MSLN: variants seen among roughly 807,000 people sequenced by gnomAD.
MSLN encodes CAK1 antigen.
A neutral mutation model predicts 72.6 loss-of-function variants in MSLN; 82 were observed. The ratio of observed to expected loss-of-function variants is 1.13; its 90% CI spans 0.94 to 1.36. MSLN has a LOEUF of 1.36. Ranked by LOEUF, MSLN falls within the 40% of genes most tolerant of loss-of-function variation. MSLN has a pLI of 0.00. For missense variants in MSLN, 1,005 were observed against 847.9 expected, an observed-to-expected ratio of 1.19 and a Z score of -2.30; for synonymous variants, 456 against 387.3, an observed-to-expected ratio of 1.18 and a Z score of -2.08.
At chr16:763,367 T>G in intron 4 of MSLN, 91 bp downstream of exon 4, 1 of 1,160,848 alleles carries the variant, frequency 8.6e-7, no homozygotes, top group Non-Finnish European at 1.2e-6. Flanking sequence ...TCCACGGTGC[T>G]TGCCAGTTTC....
intron 17 of MSLN, 35 bp from the exon 18 acceptor site, chr16:768,613 G>C (rs2151619696): frequency 6.2e-7 from 1 of 1,611,306 alleles, no homozygotes; most frequent in East Asian, 2.2e-5. Context: ...TGGGGGCGTG[G>C]AGGTGGGCGC....
chr16:765,426 G>A, intron 9 of MSLN, 101 bp from the exon 10 acceptor site: 1 of 1,412,318 alleles, frequency 7.1e-7, no homozygotes, highest in Non-Finnish European at 9.5e-7. Flanking sequence ...CCCTGCCAAT[G>A]CCCCCAGCGT....
chr16:767,514 GA>G (rs1567359741), intron 16 of MSLN, 44 bp downstream of exon 16: 2 of 1,410,000 alleles, frequency 1.4e-6, no homozygotes, highest in Non-Finnish European at 1.9e-6. Context: ...GGGGCCCGTG[GA>G]GGAGGGGCGA....
Position 763,683 on chromosome 16 carries a change from C to G in MSLN, c.171C>G (p.Asn57Lys). The change falls in exon 5 of 18, where the codon AAC (asparagine) becomes AAG (lysine). Residue 57 changes from asparagine (N) to lysine (K), a missense_variant. Physicochemically the swap from Asn to Lys is moderately conservative, Grantham distance 94. Transcript: ENST00000545450. ...PLDGVLANPP[N>K]ISSLSPRQLL... ...ACGGAGTCCTGGCCAACCCACCTAA[C>G]ATTTCCAGGTGGGTCTGGGGTCCTC... 1 of 1,603,278 alleles carries G rather than the reference C, an allele frequency of 6.2e-7. No individual in the cohort carries two copies. The highest frequency in any genetic ancestry group is 8.5e-7 in the Non-Finnish European group (1 of 1,173,792).
In MSLN at chr16:765,150, C is replaced by A; in HGVS notation, c.551C>A (p.Ala184Asp). The change falls in exon 9 of 18, where the codon GCT (alanine) becomes GAT (aspartate). Residue 184 changes from alanine (A) to aspartate (D), a missense_variant. Ala to Asp is a moderately radical substitution (Grantham distance 126, BLOSUM62 -2). Coordinates refer to ENST00000545450, the MANE Select transcript of MSLN (RefSeq NM_005823.6). ...GSLLSEADVR[A>D]LGGLACDLPG... Reference sequence around the variant, plus strand: ...CTGCTGAGCGAGGCTGATGTGCGGGCTCTGGGAGGCCTGGCTTGCGACCTG... The same window carrying A: ...CTGCTGAGCGAGGCTGATGTGCGGGATCTGGGAGGCCTGGCTTGCGACCTG... The A allele has an allele frequency of 6.2e-7, 1 of 1,603,536 alleles. No individual in the cohort carries two copies.
chr16:764,121 A>T lies in MSLN; in HGVS notation c.278A>T (p.Asn93Ile), dbSNP rs745858718. The change falls in exon 6 of 18, where the codon AAT becomes ATT. Residue 93 changes from asparagine to isoleucine, a missense_variant. By Grantham distance (149) the Asn-to-Ile change is moderately radical. Coordinates refer to ENST00000545450, the MANE Select transcript of MSLN (RefSeq NM_005823.6). Reference sequence around the variant, plus strand: ...CTGGCTGTGGCCTTGGCACAGAAGAATGTCAAGCTCTCAACAGAGCAGGTC... The same window carrying T: ...CTGGCTGTGGCCTTGGCACAGAAGATTGTCAAGCTCTCAACAGAGCAGGTC... ...RELAVALAQK[N>I]VKLSTEQLRC... The T allele has an allele frequency of 2.9e-5, 47 of 1,605,642 alleles. 1 individual carries two copies. The South Asian group carries it at 4.9e-4, about 17-fold the overall frequency.
intron 17 of MSLN, 24 bp from the exon 18 acceptor site, chr16:768,624 T>A: frequency 6.2e-7 from 1 of 1,610,648 alleles, no homozygotes; most frequent in Non-Finnish European, 8.5e-7. Context: ...AGGTGGGCGC[T>A]CTGAGTCACC....
chr16:763,760 G>C (rs1175971298), intron 5 of MSLN, 69 bp downstream of exon 5: 2 of 393,328 alleles, frequency 5.1e-6, no homozygotes, highest in Non-Finnish European at 6.1e-6. Context: ...GGGTGGGCAG[G>C]GCACCCCATC....
At chr16:761,946 C>G (rs115225831) in intron 2 of MSLN, among the ~76,000 whole-genome samples, 13,383 of 152,296 alleles carry the variant, frequency 0.088, 1,207 homozygotes, top group African/African-American at 0.22. Context: ...CCCTCTTCTG[C>G]GAGCCCCACC....
chr16:766,085 G>A lies in MSLN; in HGVS notation c.922G>A (p.Ala308Thr). The A allele has an allele frequency of 2.5e-6, 4 of 1,611,954 alleles. No homozygotes were observed. The highest frequency in any genetic ancestry group is 3.4e-6 in the Non-Finnish European group (4 of 1,179,462). Residue 308 changes from alanine to threonine, a missense_variant, in exon 12 of 18, where the codon GCC becomes ACC. Coordinates refer to ENST00000545450, the MANE Select transcript of MSLN (RefSeq NM_005823.6). ...GACAGCCTGTCCTTCAGGCAAGAAGGCCCGCGAGATAGACGAGAGCCTCAT... is the reference window on the plus strand; with the variant it reads ...GACAGCCTGTCCTTCAGGCAAGAAGACCCGCGAGATAGACGAGAGCCTCAT... ...EKTACPSGKK[A>T]REIDESLIFY...
In MSLN at chr16:768,511, G is replaced by GGGCT; in HGVS notation, c.1730_1733dup (p.Gln579AlafsTer?). The stretch of plus-strand genomic sequence containing the variant: ...GGACGACCTGGACACGCTGGGGCTG[G>GGGCT]GGCTACAGGGCGGCATCCCCAACGG... On this transcript the variant is annotated frameshift_variant, in exon 17 of 18. Transcript: ENST00000545450. LOFTEE classifies it high-confidence loss of function. The GGGCT allele has an allele frequency of 6.3e-7, 1 of 1,595,944 alleles. No homozygotes were observed. The highest frequency in any genetic ancestry group is 2.2e-5 in the East Asian group (1 of 44,550).
chr16:763,215 T>A lies in MSLN; in HGVS notation c.86-18T>A. 1 of 1,521,360 alleles carries A rather than the reference T, an allele frequency of 6.6e-7. No individual in the cohort carries two copies. The highest frequency in any genetic ancestry group is 8.8e-7 in the Non-Finnish European group (1 of 1,133,140). The allele number at this position is 1,521,360 out of a possible 1,614,324, so 94.2% of individuals were successfully genotyped here. A position where few individuals can be genotyped will look rare whatever the true frequency, so the allele number is the denominator to read the frequency against. On this transcript the variant is annotated intron_variant, in intron 3 of 17. Coordinates refer to ENST00000545450, the MANE Select transcript of MSLN (RefSeq NM_005823.6). ...GAGGCCCGCCCCCTCCCCCAAGCTG[T>A]CCCCTCTGCCCCTTTAGGATGGGTG...
intron 1 of MSLN, 26 bp downstream of exon 1, chr16:760,847 G>A (rs549742557): frequency 6.6e-6 from 1 of 152,482 alleles, no homozygotes; most frequent in Non-Finnish European, 1.5e-5. Flanking sequence ...CTGCACATCA[G>A]AGTTACCCTG....
Position 764,942 on chromosome 16 carries a change from G to T in MSLN, c.416G>T (p.Arg139Leu). ...TTCTCGGGGCCCCAGGCCTGCACCC[G>T]TTTCTTCTCCCGCATCACGAAGGCC... ...DAFSGPQACT[R>L]FFSRITKANV... The change falls in exon 8 of 18, where the codon CGT becomes CTT. Residue 139 changes from arginine to leucine, a missense_variant. Transcript: ENST00000545450. 1 of 1,612,278 alleles carries T rather than the reference G, an allele frequency of 6.2e-7. No individual in the cohort carries two copies. The highest frequency in any genetic ancestry group is 1.7e-5 in the Admixed American group (1 of 59,990).
In MSLN at chr16:767,448, A is replaced by G; in HGVS notation, c.1574A>G (p.Lys525Arg). The change falls in exon 16 of 18, where the codon AAG becomes AGG. Residue 525 changes from lysine (K) to arginine (R), a missense_variant. Coordinates refer to ENST00000545450, the MANE Select transcript of MSLN (RefSeq NM_005823.6). ...AGCATGGACTTGGCCACGTTCATGA[A>G]GCTGCGGACGGATGCGGTGCTGGTA... ...NVSMDLATFM[K>R]LRTDAVLPLT... The G allele has an allele frequency of 2.0e-6, 3 of 1,538,208 alleles. No individual in the cohort carries two copies. Among genetic ancestry groups the G allele is most frequent in the Non-Finnish European group, 2.6e-6 (3 of 1,142,368 alleles).
Position 765,308 on chromosome 16 carries a change from G to T in MSLN, c.704+5G>T. On this transcript the variant is annotated splice_donor_5th_base_variant and intron_variant, in intron 9 of 17. Transcript: ENST00000545450. ...GGGCGGGGGACCCCCCTACGGGTAA[G>T]TGAAGGTGTCTGGAACCTCGAAGGC... 6.4e-7 allele frequency: 1 copy of T among 1,561,792 alleles called. No homozygotes were observed. Among genetic ancestry groups the T allele is most frequent in the East Asian group, 2.3e-5 (1 of 43,680 alleles).
chr16:762,991 C>T (rs1167248758), intron 3 of MSLN, among the ~76,000 whole-genome samples: 1 of 152,188 alleles, frequency 6.6e-6, no homozygotes, highest in Non-Finnish European at 1.5e-5. Context: ...GTGGTCTGAC[C>T]GGCCAAGCAG....
Position 767,476 on chromosome 16 carries a change from G to C in MSLN, c.1596+6G>C. 1.3e-6 allele frequency: 2 copies of C among 1,586,398 alleles called. No homozygotes were observed. Among genetic ancestry groups the C allele is most frequent in the Non-Finnish European group, 1.7e-6 (2 of 1,170,944 alleles). The stretch of plus-strand genomic sequence containing the variant: ...TGCGGACGGATGCGGTGCTGGTATG[G>C]CGAGCGGGAGGAGGGGCGTGTGGAG... On this transcript the variant is annotated splice_donor_region_variant and intron_variant, in intron 16 of 17. Coordinates refer to ENST00000545450, the MANE Select transcript of MSLN (RefSeq NM_005823.6).
chr16:766,928 C>T lies in MSLN; in HGVS notation c.1417C>T (p.Leu473=), dbSNP rs570432633. The T allele has an allele frequency of 3.7e-6, 6 of 1,612,676 alleles. No individual in the cohort carries two copies. Among genetic ancestry groups the T allele is most frequent in the South Asian group, 1.1e-5 (1 of 91,086 alleles). The change falls in exon 15 of 18, where the codon CTG becomes TTG. Residue 473 remains leucine (L), a synonymous_variant. Coordinates refer to ENST00000545450, the MANE Select transcript of MSLN (RefSeq NM_005823.6). ...CCTGGACACGTGTGACCCAAGGCAG[C>T]TGGACGTCCTCTATCCCAAGGCCCG... ...QDLDTCDPRQ[L]DVLYPKARLA... is the part of the protein sequence containing the mutation.
Sources: gnomAD v4.1 joint callset for allele counts (sites outside exome capture counted in the v4.1 genomes callset) on GRCh38, gnomAD v4.1.1 for gene constraint, MANE v1.5 for transcripts, NCBI Gene and HGNC (gene_info 2026-07-23, HGNC 2026-07-21) for gene names.